The following ATP8A2 variants were observed in gnomAD, a reference collection of about 807,000 sequenced individuals.
The protein encoded by ATP8A2 is phospholipid-transporting ATPase IB.
ATP8A2 carries 100 observed loss-of-function variants against 165.6 expected under a neutral mutation model. The ratio of observed to expected loss-of-function variants is 0.60; its 90% CI spans 0.51 to 0.71. The LOEUF (loss-of-function observed/expected upper bound fraction) is 0.71, where lower values mean the gene tolerates loss of function less well. Ranked by LOEUF, ATP8A2 falls within the 30% of genes least tolerant of loss-of-function variation. The probability of loss-of-function intolerance (pLI) is 0.00; values close to 1 mark genes in which losing one functional copy is unlikely to be tolerated. For missense variants in ATP8A2, 1,227 were observed against 1,479.5 expected, an observed-to-expected ratio of 0.83 and a Z score of 2.80; for synonymous variants, 543 against 548.8, an observed-to-expected ratio of 0.99 and a Z score of 0.15.
intron 34 of ATP8A2, among the ~76,000 whole-genome samples, chr13:25,967,859 A>G (rs1460282864): frequency 1.3e-5 from 2 of 152,158 alleles, no homozygotes; most frequent in Non-Finnish European, 2.9e-5. Flanking sequence ...TGTCCTCAGT[A>G]AAAGGGTAGA....
At chr13:25,480,827 C>T (rs891636920) in intron 2 of ATP8A2, among the ~76,000 whole-genome samples, 61 of 149,916 alleles carry the variant, frequency 4.1e-4, no homozygotes, top group Non-Finnish European at 7.3e-4. Context: ...GAGGTTGTAG[C>T]GAGCCGAGAT....
At chr13:25,445,089 AT>A (rs1236553920) in intron 1 of ATP8A2, among the ~76,000 whole-genome samples, 3 of 152,238 alleles carry the variant, frequency 2.0e-5, no homozygotes, top group African/African-American at 7.2e-5. Context: ...TATTACAAAT[AT>A]ATTTTTCCAG....
At chr13:25,611,683 T>C (rs760271769) in intron 24 of ATP8A2, among the ~76,000 whole-genome samples, 1 of 152,138 alleles carries the variant, frequency 6.6e-6, no homozygotes, top group Non-Finnish European at 1.5e-5. Context: ...GAGGGTTCTC[T>C]ATCTTGTGGA....
Position 25,785,015 on chromosome 13 carries a change from G to A in ATP8A2, c.2679+10056G>A, listed in dbSNP as rs1384978722. ...CCTAGCCTCATGATCTGCCTGCCTC[G>A]GCCTCCCAAAGTGCCGGGATTACAG... On this transcript the variant is annotated intron_variant, in intron 27 of 36. Coordinates refer to ENST00000381655, the MANE Select transcript of ATP8A2 (RefSeq NM_016529.6). Among the ~76,000 whole-genome samples the A allele has an allele frequency of 4.6e-5, 7 of 151,876 alleles. No homozygotes were observed. In the South Asian group the frequency reaches 6.3e-4, roughly 14 times the overall value.
At chr13:25,725,990 A>G (rs17585188) in intron 25 of ATP8A2, among the ~76,000 whole-genome samples, 13,245 of 152,290 alleles carry the variant, frequency 0.087, 598 homozygotes, top group Non-Finnish European at 0.11. Context: ...CAGAAAGGAT[A>G]GGTAACTCAA....
chr13:25,620,486 T>A (rs1364495574), intron 24 of ATP8A2, among the ~76,000 whole-genome samples: 1 of 152,044 alleles, frequency 6.6e-6, no homozygotes, highest in Non-Finnish European at 1.5e-5. Context: ...CGGAAAAAAA[T>A]ATTCTTGGGT....
At chr13:25,552,848 C>T (rs2038865085) in intron 11 of ATP8A2, among the ~76,000 whole-genome samples, 1 of 151,968 alleles carries the variant, frequency 6.6e-6, no homozygotes, top group Non-Finnish European at 1.5e-5. Flanking sequence ...TGCCTGCTCC[C>T]CCTGTACCTT....
chr13:26,004,416 T>C (rs1415216424), intron 35 of ATP8A2, among the ~76,000 whole-genome samples: 3 of 152,112 alleles, frequency 2.0e-5, no homozygotes, highest in African/African-American at 4.8e-5. Context: ...TGGTGGAGTC[T>C]TTAGGATTTT....
At chr13:25,374,747 G>A (rs1016598047) in intron 1 of ATP8A2, among the ~76,000 whole-genome samples, 1 of 152,144 alleles carries the variant, frequency 6.6e-6, no homozygotes, top group Admixed American at 6.5e-5. Flanking sequence ...AATGTATGGA[G>A]AAGAAAGAGG....
At chr13:25,922,351 T>G (rs940612067) in intron 33 of ATP8A2, among the ~76,000 whole-genome samples, 1 of 152,214 alleles carries the variant, frequency 6.6e-6, no homozygotes. Flanking sequence ...CATAAATCAG[T>G]ACAATTAGTT....
intron 27 of ATP8A2, among the ~76,000 whole-genome samples, chr13:25,805,817 A>G (rs1316558376): frequency 6.6e-6 from 1 of 152,200 alleles, no homozygotes; most frequent in African/African-American, 2.4e-5. Context: ...ATTAGTTCTC[A>G]CATTGATTTG....
intron 33 of ATP8A2, among the ~76,000 whole-genome samples, chr13:25,870,251 C>T (rs550844537): frequency 5.1e-4 from 77 of 152,284 alleles, no homozygotes; most frequent in African/African-American, 1.7e-3. Context: ...AACGTCCAGC[C>T]ACCTCTGTGT....
rs76593208 is a variant in ATP8A2, at chr13:25,908,991, C to T, written c.3183+46583C>T. On this transcript the variant is annotated intron_variant, in intron 33 of 36. Transcript: ENST00000381655. ...TTTAAAGTGTGGATTTAAATTGAAT[C>T]GTAATATTAAATTTTTAGGTTTGGT... is the stretch of plus-strand genomic sequence containing the variant. Among the ~76,000 whole-genome samples the T allele has an allele frequency of 9.9e-5, 15 of 152,138 alleles. No homozygotes were observed. In the South Asian group the frequency reaches 2.3e-3, roughly 23 times the overall value.
intron 33 of ATP8A2, among the ~76,000 whole-genome samples, chr13:25,939,992 C>A (rs564655281): frequency 6.6e-6 from 1 of 152,258 alleles, no homozygotes; most frequent in East Asian, 1.9e-4. Flanking sequence ...TGCTTGACTC[C>A]GTGCACTCAG....
chr13:25,503,252 G>A (rs1185765529), intron 2 of ATP8A2, among the ~76,000 whole-genome samples: 1 of 152,178 alleles, frequency 6.6e-6, no homozygotes, highest in Admixed American at 6.6e-5. Context: ...CCGAGTCCAA[G>A]GCTCCTTCTG....
At chr13:25,698,510 A>C (rs1333350185) in intron 24 of ATP8A2, among the ~76,000 whole-genome samples, 1 of 152,132 alleles carries the variant, frequency 6.6e-6, no homozygotes, top group East Asian at 1.9e-4. Context: ...CTGGGATTAC[A>C]GGCGTGAACC....
chr13:25,555,226 AT>A (rs1468366740), intron 13 of ATP8A2, among the ~76,000 whole-genome samples, 158 bp downstream of exon 13: 1 of 152,178 alleles, frequency 6.6e-6, no homozygotes, highest in African/African-American at 2.4e-5. Context: ...GTGCCAGTAA[AT>A]ATAAGCGTTA....
At chr13:25,468,648 CA>C (rs1473789591) in intron 1 of ATP8A2, among the ~76,000 whole-genome samples, 1 of 152,142 alleles carries the variant, frequency 6.6e-6, no homozygotes, top group Non-Finnish European at 1.5e-5. Context: ...CCCGGCCCGA[CA>C]AGCAGCTTGG....
chr13:25,533,359 C>A, intron 6 of ATP8A2, 46 bp downstream of exon 6: 1 of 1,084,846 alleles, frequency 9.2e-7, no homozygotes, highest in Non-Finnish European at 1.4e-6. Context: ...GGTTTGAAGA[C>A]GCGTAATGAA....
Sources: allele counts gnomAD v4.1 joint callset (sites outside exome capture counted in the v4.1 genomes callset), GRCh38; gene constraint gnomAD v4.1.1; transcripts MANE v1.5; gene names NCBI Gene and HGNC (gene_info 2026-07-23, HGNC 2026-07-21).